Variants in ROCK1 observed in about 807,000 individuals in gnomAD.
ROCK1 encodes rho-associated protein kinase 1.
In ROCK1, 36 loss-of-function variants were observed where a neutral mutation model predicts 196.8. The ratio of observed to expected loss-of-function variants is 0.18; its 90% CI spans 0.14 to 0.24. The LOEUF (loss-of-function observed/expected upper bound fraction) is 0.24. Ranked by LOEUF, ROCK1 falls within the 10% of genes least tolerant of loss-of-function variation. The probability of loss-of-function intolerance (pLI) is 1.00; values close to 1 mark genes in which losing one functional copy is unlikely to be tolerated. For missense variants in ROCK1, 920 were observed against 1,562.0 expected (o/e 0.59, Z 6.93); for synonymous variants, 443 against 515.9 (o/e 0.86, Z 1.91).
chr18:20,953,368 A>G, intron 32 of ROCK1: 1 of 404,252 alleles, frequency 2.5e-6, no homozygotes, highest in Non-Finnish European at 4.4e-6. Context: ...AATTAGACAC[A>G]GAACTAAATA....
chr18:21,110,952 G>C lies in ROCK1; in HGVS notation c.-42C>G. 6.5e-7 allele frequency: 1 copy of C among 1,538,448 alleles called. No homozygotes were observed. Among genetic ancestry groups the C allele is most frequent in the Admixed American group, 1.7e-5 (1 of 59,242 alleles). On this transcript the variant is annotated 5_prime_UTR_variant, in exon 1 of 33. Coordinates refer to ENST00000399799, the MANE Select transcript of ROCK1 (RefSeq NM_005406.3). ...CAATGCCCTCTTACCAGCACCAGCA[G>C]CGGAAAGCAATTTCAACCAACTTCC...
At chr18:21,011,835 A>T (rs960360949) in intron 13 of ROCK1, among the ~76,000 whole-genome samples, 5 of 152,212 alleles carry the variant, frequency 3.3e-5, no homozygotes, top group African/African-American at 1.2e-4. Context: ...ACAGAGAATC[A>T]TATTAGACAA....
chr18:21,032,506 G>GTTTTTTTTTTTTTTT (rs368055407), intron 9 of ROCK1, among the ~76,000 whole-genome samples: 2 of 129,238 alleles, frequency 1.5e-5, no homozygotes, highest in African/African-American at 5.8e-5. Context: ...AAATAGGAAA[G>GTTTTTTTTTTTTTTT]TTTTTTTTTT....
intron 14 of ROCK1, among the ~76,000 whole-genome samples, chr18:21,007,374 T>C (rs962201573): frequency 6.6e-6 from 1 of 152,200 alleles, no homozygotes; most frequent in Non-Finnish European, 1.5e-5. Flanking sequence ...ATTTATTATT[T>C]TTTATAAGCC....
rs1477848980 is a variant in ROCK1, at chr18:21,006,515, G to A, written c.1721C>T (p.Ser574Leu). The A allele has an allele frequency of 1.9e-6, 3 of 1,613,632 alleles. No homozygotes were observed. The African/African-American group carries it at 4.0e-5, about 22-fold the overall frequency. ...LRKSHTEMSK[S>L]ISQLESLNRE... ...GTTCAGGGACTCTAACTGACTAATT[G>A]ACTTGCTCATCTCTGTGTGACTCTT... is the stretch of plus-strand genomic sequence containing the variant. The change falls in exon 16 of 33, where the codon TCA becomes TTA. Residue 574 changes from serine (S) to leucine (L), a missense_variant. Physicochemically the swap from Ser to Leu is moderately radical, Grantham distance 145. Transcript: ENST00000399799.
In ROCK1 at chr18:20,951,102, C is replaced by G. The variant is rs2035182657; in HGVS notation, c.*282G>C. On this transcript the variant is annotated 3_prime_UTR_variant, in exon 33 of 33. Transcript: ENST00000399799. ...ACTGACAGGCATTTTCTTATAAATCCAAAAAGGCAGCACCTTTTAAAAAAA... is the reference window on the plus strand; with the variant it reads ...ACTGACAGGCATTTTCTTATAAATCGAAAAAGGCAGCACCTTTTAAAAAAA... 3 of 309,762 alleles carry G rather than the reference C, an allele frequency of 9.7e-6. No individual in the cohort carries two copies. Among genetic ancestry groups the G allele is most frequent in the South Asian group, 3.1e-4 (2 of 6,478 alleles). 19.2% of individuals were successfully genotyped at this position (309,762 alleles called of 1,614,324 possible). A position where few individuals can be genotyped will look rare whatever the true frequency, so the allele number is the denominator to read the frequency against.
chr18:20,959,169 TA>T (rs2035299518), intron 29 of ROCK1, among the ~76,000 whole-genome samples: 3 of 64,482 alleles, frequency 4.7e-5, no homozygotes, highest in African/African-American at 1.3e-4. Flanking sequence ...ATATATTATA[TA>T]ATATATATAA....
chr18:21,022,047 C>T (rs1447096086), intron 11 of ROCK1, among the ~76,000 whole-genome samples: 1 of 150,866 alleles, frequency 6.6e-6, no homozygotes, highest in Admixed American at 6.6e-5. Context: ...ATTTAAGAGT[C>T]AATATATCAA....
Position 21,089,931 on chromosome 18 carries a change from C to G in ROCK1, c.94-19318G>C, listed in dbSNP as rs530971904. Among the ~76,000 whole-genome samples the G allele has an allele frequency of 1.9e-4, 29 of 152,304 alleles. 1 individual carries two copies. The South Asian group carries it at 5.8e-3, about 30-fold the overall frequency. On this transcript the variant is annotated intron_variant, in intron 1 of 32. Coordinates refer to ENST00000399799, the MANE Select transcript of ROCK1 (RefSeq NM_005406.3). The stretch of plus-strand genomic sequence containing the variant: ...GTTGGAAAAGGGAAGAGTATGTTAA[C>G]AGTCTTTTCAGATAACTGGAAATTA...
chr18:20,982,758 CT>C lies in ROCK1; in HGVS notation c.2559+4del. The C allele has an allele frequency of 1.4e-6, 2 of 1,466,954 alleles. No individual in the cohort carries two copies. The highest frequency in any genetic ancestry group is 1.9e-6 in the Non-Finnish European group (2 of 1,048,768). 90.9% of individuals were successfully genotyped at this position (1,466,954 alleles called of 1,614,324 possible). ...GTGTGTATGTTAAAAATGATTCTCA[CT>C]TACCGAGAAATATTGCTCAGCTTCA... On this transcript the variant is annotated splice_donor_region_variant and intron_variant, in intron 21 of 32. Transcript: ENST00000399799.
rs2143566181 is a variant in ROCK1 at position 21,078,996 on chromosome 18, A to G, written c.94-8383T>C. Reference sequence around the variant, plus strand: ...AGCTGTCCCTCAACTAAATTGGGGTATAGAGAAGTGTGCTTTATTAGTGCC... The same window carrying G: ...AGCTGTCCCTCAACTAAATTGGGGTGTAGAGAAGTGTGCTTTATTAGTGCC... On this transcript the variant is annotated intron_variant, in intron 1 of 32. Transcript: ENST00000399799. Among the ~76,000 whole-genome samples the G allele has an allele frequency of 2.0e-5, 3 of 152,286 alleles. 1 individual carries two copies. The South Asian group carries it at 6.2e-4, about 32-fold the overall frequency.
chr18:21,018,239 AT>A (rs1167829026), intron 12 of ROCK1, among the ~76,000 whole-genome samples: 1 of 151,396 alleles, frequency 6.6e-6, no homozygotes, highest in Non-Finnish European at 1.5e-5. Flanking sequence ...TTGTTTAAAA[AT>A]TTTTTTGGGC....
rs4007700 is a variant in ROCK1, at chr18:20,952,383, AAATGAATG to A, written c.4062-1004_4062-997del. Among the ~76,000 whole-genome samples, 1,410 of 147,552 alleles carry A rather than the reference AAATGAATG, an allele frequency of 9.6e-3. 21 individuals are homozygous for A. The highest frequency in any genetic ancestry group is 0.027 in the African/African-American group (1,099 of 40,138). On this transcript the variant is annotated intron_variant, in intron 32 of 32. Coordinates refer to ENST00000399799, the MANE Select transcript of ROCK1 (RefSeq NM_005406.3). ...GGTGACAGAGCGAGACTCTGTCTCA[AAATGAATG>A]AATGAATGAATGAATGAATGAATGA... is the stretch of plus-strand genomic sequence containing the variant.
Position 20,953,662 on chromosome 18 carries a change from C to T in ROCK1, c.3977G>A (p.Arg1326His), listed in dbSNP as rs754629412. Residue 1326 changes from arginine to histidine, a missense_variant, in exon 32 of 33, where the codon CGT becomes CAT. Physicochemically the swap from Arg to His is conservative, Grantham distance 29. Coordinates refer to ENST00000399799, the MANE Select transcript of ROCK1 (RefSeq NM_005406.3). ...TGTAGAAAGCGTTCGAGGGGAAGCA[C>T]GAACAAAACCAGATGGTGGATTCTT... ...IPKNPPSGFV[R>H]ASPRTLSTRS... is the part of the protein sequence containing the mutation. 5.0e-6 allele frequency: 8 copies of T among 1,611,904 alleles called. No homozygotes were observed. In the East Asian group the frequency reaches 8.9e-5, roughly 18 times the overall value.
intron 16 of ROCK1, among the ~76,000 whole-genome samples, chr18:20,997,654 C>T (rs1021136226): frequency 4.6e-5 from 7 of 152,118 alleles, no homozygotes; most frequent in Non-Finnish European, 8.8e-5. Flanking sequence ...TAAATATTTA[C>T]AGAACATTTC....
chr18:21,095,622 T>C (rs867227810), intron 1 of ROCK1, among the ~76,000 whole-genome samples: 1 of 152,110 alleles, frequency 6.6e-6, no homozygotes, highest in Non-Finnish European at 1.5e-5. Flanking sequence ...ATCTCACATG[T>C]TCCCATTCAT....
chr18:21,072,257 C>A (rs995606695), intron 1 of ROCK1, among the ~76,000 whole-genome samples: 1 of 152,192 alleles, frequency 6.6e-6, no homozygotes, highest in African/African-American at 2.4e-5. Context: ...CCTGGTACCA[C>A]ACACTTTAAT....
At position 20,971,335 on chromosome 18, in the gene ROCK1, CACACACACAT is replaced by C. The variant is rs1382669655; in HGVS notation, c.2655-832_2655-823del. On this transcript the variant is annotated intron_variant, in intron 22 of 32. Transcript: ENST00000399799. ...ACACACACACACACACACACACACA[CACACACACAT>C]ACACACAGAAAATTCATTAATTCAC... Among the ~76,000 whole-genome samples, 363 of 94,732 alleles carry C rather than the reference CACACACACAT, an allele frequency of 3.8e-3. 1 individual carries two copies. Among genetic ancestry groups the C allele is most frequent in the African/African-American group, 0.013 (337 of 26,910 alleles). 62.1% of individuals were successfully genotyped at this position (94,732 alleles called of 152,430 possible). A position where few individuals can be genotyped will look rare whatever the true frequency, so the allele number is the denominator to read the frequency against.
At chr18:21,028,569 CA>C (rs2035980899) in intron 10 of ROCK1, among the ~76,000 whole-genome samples, 1 of 151,870 alleles carries the variant, frequency 6.6e-6, no homozygotes, top group African/African-American at 2.4e-5. Flanking sequence ...TATCATTTAG[CA>C]AAAAAATTTT....
Sources: gnomAD v4.1 joint callset for allele counts (sites outside exome capture counted in the v4.1 genomes callset) on GRCh38, gnomAD v4.1.1 for gene constraint, MANE v1.5 for transcripts, NCBI Gene and HGNC (gene_info 2026-07-23, HGNC 2026-07-21) for gene names.